PRR5L: variants seen among roughly 807,000 people sequenced by gnomAD.
PRR5L encodes the protein proline rich 5 like, also known as proline-rich protein 5-like.
Under a neutral mutation model 36.4 loss-of-function variants are expected in PRR5L, and 21 were observed. That is an observed-to-expected ratio of 0.58 (90% confidence interval 0.41 to 0.83). The LOEUF is 0.83. Among genes scored for constraint, PRR5L ranks in the 40% least tolerant of loss-of-function variants. The pLI is 0.00. For missense variants in PRR5L, 381 were observed against 473.3 expected, an observed-to-expected ratio of 0.80 and a Z score of 1.81; for synonymous variants, 188 against 197.0, an observed-to-expected ratio of 0.95 and a Z score of 0.38.
chr11:36,306,382 G>T (rs1856431964), intron 1 of PRR5L, among the ~76,000 whole-genome samples: 1 of 151,796 alleles, frequency 6.6e-6, no homozygotes, highest in Non-Finnish European at 1.5e-5. Context: ...ATGGTTTCCG[G>T]CTTCATCTAT....
chr11:36,441,753 G>A (rs1160924920), intron 6 of PRR5L, among the ~76,000 whole-genome samples: 1 of 152,094 alleles, frequency 6.6e-6, no homozygotes, highest in African/African-American at 2.4e-5. Context: ...GGGCACCCAG[G>A]CTTTTCTATA....
chr11:36,355,841 G>T lies in PRR5L; in HGVS notation c.-125-45156G>T, dbSNP rs141819278. ...GCCTCCCAGAGTGCTGGGATTACAGGGGTGAGCCACCACACCCAGCCCCAT... is the reference window on the plus strand; with the variant it reads ...GCCTCCCAGAGTGCTGGGATTACAGTGGTGAGCCACCACACCCAGCCCCAT... On this transcript the variant is annotated intron_variant, in intron 1 of 8. Coordinates refer to ENST00000530639, the MANE Select transcript of PRR5L (RefSeq NM_001160167.2). Among the ~76,000 whole-genome samples the T allele has an allele frequency of 9.5e-3, 1,442 of 151,790 alleles. 21 individuals carry two copies. Among genetic ancestry groups the T allele is most frequent in the African/African-American group, 0.033 (1,376 of 41,360 alleles).
intron 1 of PRR5L, among the ~76,000 whole-genome samples, chr11:36,303,295 G>A (rs376124661): frequency 6.6e-6 from 1 of 152,152 alleles, no homozygotes; most frequent in Non-Finnish European, 1.5e-5. Context: ...GTTGTGTCAG[G>A]GAAGTCAAAG....
rs1242056981 is a variant in PRR5L at position 36,437,380 on chromosome 11, T to C, written c.353-5T>C. On this transcript the variant is annotated splice_region_variant and splice_polypyrimidine_tract_variant and intron_variant, in intron 5 of 8. Coordinates refer to ENST00000530639, the MANE Select transcript of PRR5L (RefSeq NM_001160167.2). ...CTCCCTTCCCATCTTCTCGCCCTCTTGTAGGTGAAAATCGCATTGAGGTTC... is the reference window on the plus strand; with the variant it reads ...CTCCCTTCCCATCTTCTCGCCCTCTCGTAGGTGAAAATCGCATTGAGGTTC... 8.8e-6 allele frequency: 14 copies of C among 1,592,398 alleles called. No homozygotes were observed. Among genetic ancestry groups the C allele is most frequent in the East Asian group, 2.2e-5 (1 of 44,802 alleles).
chr11:36,315,778 TG>T (rs975499173), intron 1 of PRR5L, among the ~76,000 whole-genome samples: 6 of 152,242 alleles, frequency 3.9e-5, no homozygotes, highest in African/African-American at 1.4e-4. Flanking sequence ...AATGTGATGT[TG>T]TAAAGGATAT....
intron 3 of PRR5L, among the ~76,000 whole-genome samples, chr11:36,410,632 A>G (rs763964368): frequency 6.6e-6 from 1 of 152,200 alleles, no homozygotes; most frequent in Non-Finnish European, 1.5e-5. Flanking sequence ...GCTCTTCGTC[A>G]GTTTCCTCCA....
At chr11:36,355,945 A>T (rs1857023133) in intron 1 of PRR5L, among the ~76,000 whole-genome samples, 7 of 151,146 alleles carry the variant, frequency 4.6e-5, no homozygotes. Context: ...ACAGGGTCTC[A>T]CTTTGTTGCC....
chr11:36,359,652 A>G (rs1303977914), intron 1 of PRR5L, among the ~76,000 whole-genome samples: 2 of 152,224 alleles, frequency 1.3e-5, no homozygotes, highest in Non-Finnish European at 1.5e-5. Context: ...TGCCATGAAG[A>G]CACTAACAGT....
intron 1 of PRR5L, among the ~76,000 whole-genome samples, chr11:36,387,698 G>A (rs1212155986): frequency 6.6e-6 from 1 of 152,198 alleles, no homozygotes; most frequent in Non-Finnish European, 1.5e-5. Flanking sequence ...CAGACCCAGA[G>A]AAGTGAAGTG....
chr11:36,442,345 A>AC (rs1858739523), intron 6 of PRR5L, among the ~76,000 whole-genome samples: 1 of 147,240 alleles, frequency 6.8e-6, no homozygotes, highest in Admixed American at 6.7e-5. Context: ...GTTTCTTATA[A>AC]TTTTTTTTTT....
At chr11:36,362,209 G>C (rs1331741388) in intron 1 of PRR5L, 1 of 151,904 alleles carries the variant, frequency 6.6e-6, no homozygotes, top group African/African-American at 2.4e-5. Context: ...CTTCTGATGG[G>C]AGGGCAGGGC....
intron 8 of PRR5L, among the ~76,000 whole-genome samples, chr11:36,456,564 C>T (rs10836563): frequency 0.26 from 39,107 of 152,192 alleles, 5,107 homozygotes; most frequent in Admixed American, 0.29. Flanking sequence ...CCACACTGAC[C>T]TGTTCTAACA....
intron 1 of PRR5L, among the ~76,000 whole-genome samples, chr11:36,374,047 CTCCTTCCT>C (rs59668248): frequency 0.086 from 10,086 of 117,714 alleles, 597 homozygotes; most frequent in African/African-American, 0.11. Context: ...TAATTTTTTC[CTCCTTCCT>C]TCCTTCCTTC....
intron 8 of PRR5L, chr11:36,453,914 A>C (rs569262564): frequency 1.3e-4 from 20 of 152,596 alleles, no homozygotes; most frequent in African/African-American, 4.8e-4. Context: ...GAGGGTTTGG[A>C]GGACAGGAGG....
intron 1 of PRR5L, among the ~76,000 whole-genome samples, chr11:36,351,369 T>G (rs1339484573): frequency 1.1e-5 from 1 of 87,160 alleles, no homozygotes; most frequent in Non-Finnish European, 2.0e-5. Flanking sequence ...TATAAATATA[T>G]ATACATATAT....
chr11:36,351,700 T>G (rs1236856276), intron 1 of PRR5L, among the ~76,000 whole-genome samples: 1 of 96,052 alleles, frequency 1.0e-5, no homozygotes, highest in South Asian at 3.0e-4. Context: ...TTTATATATT[T>G]ATATATTTAT....
At chr11:36,416,679 T>G (rs1858150245) in intron 3 of PRR5L, among the ~76,000 whole-genome samples, 1 of 152,214 alleles carries the variant, frequency 6.6e-6, no homozygotes, top group Non-Finnish European at 1.5e-5. Flanking sequence ...TGTTATTGGC[T>G]GATTTCTACC....
chr11:36,413,686 T>C (rs1319205588), intron 3 of PRR5L, among the ~76,000 whole-genome samples: 1 of 151,628 alleles, frequency 6.6e-6, no homozygotes, highest in Admixed American at 6.6e-5. Flanking sequence ...ATACTTTATT[T>C]TATTTATTTC....
rs1209335692 is a variant in PRR5L at position 36,377,280 on chromosome 11, C to G, written c.-125-23717C>G. 6.6e-6 allele frequency among the ~76,000 whole-genome samples: 1 copy of G among 152,220 alleles called. No homozygotes were observed. Among genetic ancestry groups the G allele is most frequent in the African/African-American group, 2.4e-5 (1 of 41,466 alleles). On this transcript the variant is annotated intron_variant, in intron 1 of 8. Transcript: ENST00000530639. The surrounding 1 kb of genome is among the most constrained non-coding windows in gnomAD (Gnocchi z 5.1). The stretch of plus-strand genomic sequence containing the variant: ...TCTGCGGACTAGGGTGGGCCAGGGC[C>G]CAGCCAGTGGGGATCCCGCCGGGAC...
Sources: gnomAD v4.1 joint callset for allele counts (sites outside exome capture counted in the v4.1 genomes callset) on GRCh38, gnomAD v4.1.1 for gene constraint, Gnocchi (gnomAD v3.1) non-coding constraint, MANE v1.5 for transcripts, NCBI Gene and HGNC (gene_info 2026-07-23, HGNC 2026-07-21) for gene names.